TBC1D1: variants seen among roughly 807,000 people sequenced by gnomAD.
TBC1D1 encodes TBC1 (tre-2/USP6, BUB2, cdc16) domain family, member 1.
Under a neutral mutation model 125.6 loss-of-function variants are expected in TBC1D1, and 89 were observed. The observed-to-expected ratio is 0.71, with a 90% CI of 0.60 to 0.85. TBC1D1 has a LOEUF of 0.85. TBC1D1 is among the 40% of genes least tolerant of loss of function. The pLI, the probability that TBC1D1 is intolerant of heterozygous loss-of-function variation, is 0.00. For missense variants in TBC1D1, 1,377 were observed against 1,469.2 expected (o/e 0.94, Z 1.03); for synonymous variants, 565 against 564.1 (o/e 1.00, Z -0.02).
intron 15 of TBC1D1, among the ~76,000 whole-genome samples, chr4:38,103,689 C>G (rs1760758957): frequency 6.6e-6 from 1 of 152,186 alleles, no homozygotes. Context: ...ATACAGTCAG[C>G]CCTCCATATC....
rs1169369629 is a variant in TBC1D1 at position 38,051,763 on chromosome 4, A to G, written c.1910+1865A>G. 2.4e-5 allele frequency: 19 copies of G among 779,674 alleles called. 1 individual carries two copies. The South Asian group carries it at 2.6e-4, about 11-fold the overall frequency. 48.3% of individuals were successfully genotyped at this position (779,674 alleles called of 1,614,324 possible). On this transcript the variant is annotated intron_variant, in intron 11 of 19. Coordinates refer to ENST00000261439, the MANE Select transcript of TBC1D1 (RefSeq NM_015173.4). ...AGCAGAGATGAGGAAAAGGAGTGGA[A>G]GAAGTCCTCCACTCTGATAGTGTTA...
intron 15 of TBC1D1, among the ~76,000 whole-genome samples, chr4:38,109,055 A>G (rs1364423201): frequency 6.6e-6 from 1 of 152,200 alleles, no homozygotes; most frequent in Non-Finnish European, 1.5e-5. Flanking sequence ...CGGGGACCAC[A>G]GTGTTCTCTT....
At chr4:37,903,396 T>C (rs2152230096) in intron 2 of TBC1D1, among the ~76,000 whole-genome samples, 1 of 152,330 alleles carries the variant, frequency 6.6e-6, no homozygotes, top group East Asian at 1.9e-4. Flanking sequence ...GGCTCAGGGC[T>C]CCACAGCTAA....
chr4:37,993,093 C>T (rs866036246), intron 2 of TBC1D1, among the ~76,000 whole-genome samples: 18 of 152,112 alleles, frequency 1.2e-4, no homozygotes, highest in African/African-American at 2.2e-4. Flanking sequence ...CGTGAGCCAC[C>T]GCGCCCGGCC....
Position 38,121,978 on chromosome 4 carries a change from T to G in TBC1D1, c.2963-2984T>G, listed in dbSNP as rs115967478. On this transcript the variant is annotated intron_variant, in intron 17 of 19. Coordinates refer to ENST00000261439, the MANE Select transcript of TBC1D1 (RefSeq NM_015173.4). ...AGCTTCCTGCAGTCCTTCCTTCAAC[T>G]CTGAATTCAAGCACATTCCTGCATT... Among the ~76,000 whole-genome samples, 168 of 152,200 alleles carry G rather than the reference T, an allele frequency of 1.1e-3. 1 individual carries two copies. The highest frequency in any genetic ancestry group is 3.8e-3 in the African/African-American group (158 of 41,526).
chr4:37,917,591 A>C (rs1405434212), intron 2 of TBC1D1, among the ~76,000 whole-genome samples: 1 of 152,176 alleles, frequency 6.6e-6, no homozygotes, highest in Non-Finnish European at 1.5e-5. Context: ...GGGAGGCCGC[A>C]CAGGGCAGAG....
At chr4:38,125,264 G>A (rs1439381546) in intron 18 of TBC1D1, 133 bp downstream of exon 20, 1 of 789,790 alleles carries the variant, frequency 1.3e-6, no homozygotes, top group East Asian at 2.6e-5. Context: ...CTGGCATGGA[G>A]GAGGCATATC....
intron 2 of TBC1D1, among the ~76,000 whole-genome samples, chr4:37,999,682 G>A (rs1296915533): frequency 1.3e-5 from 2 of 152,156 alleles, no homozygotes; most frequent in Non-Finnish European, 2.9e-5. Context: ...GAGAGTCAGT[G>A]GAAGAACATT....
At chr4:38,094,013 G>GTTGATGTTTTTTAT (rs1390475746) in intron 13 of TBC1D1, among the ~76,000 whole-genome samples, 1 of 152,172 alleles carries the variant, frequency 6.6e-6, no homozygotes, top group African/African-American at 2.4e-5. Flanking sequence ...TTGAATTACA[G>GTTGATGTTTTTTAT]TTGATGTTTT....
In TBC1D1 at chr4:37,932,063, TC is replaced by T. The variant is rs372903228; in HGVS notation, c.417+29556del. Among the ~76,000 whole-genome samples the T allele has an allele frequency of 9.6e-3, 1,466 of 152,302 alleles. 27 individuals are homozygous for T. Among genetic ancestry groups the T allele is most frequent in the African/African-American group, 0.033 (1,390 of 41,564 alleles). On this transcript the variant is annotated intron_variant, in intron 2 of 19. Coordinates refer to ENST00000261439, the MANE Select transcript of TBC1D1 (RefSeq NM_015173.4). ...TCTTGAACTCATCTGTCATTGTTTT[TC>T]CCCCAGTAGCAGCTAAAGATGGAAT...
intron 2 of TBC1D1, among the ~76,000 whole-genome samples, chr4:37,912,163 A>C (rs1361212727): frequency 6.6e-6 from 1 of 152,160 alleles, no homozygotes; most frequent in African/African-American, 2.4e-5. Context: ...GTCGCTCCTA[A>C]ATTCATTTCA....
chr4:37,918,428 C>T (rs1297158031), intron 2 of TBC1D1, among the ~76,000 whole-genome samples: 7 of 149,878 alleles, frequency 4.7e-5, no homozygotes, highest in Admixed American at 6.7e-5. Context: ...AATGTGATCA[C>T]GGTGTGTTTT....
chr4:37,990,819 A>G (rs1335607032), intron 2 of TBC1D1, among the ~76,000 whole-genome samples: 1 of 152,136 alleles, frequency 6.6e-6, no homozygotes. Flanking sequence ...GTCTCTGGAT[A>G]TTTTTCCCCA....
At chr4:38,133,989 G>A (rs933023184) in intron 19 of TBC1D1, among the ~76,000 whole-genome samples, 2 of 152,200 alleles carry the variant, frequency 1.3e-5, no homozygotes, top group African/African-American at 4.8e-5. Context: ...ATGGCATGAA[G>A]CAACCATATG....
At chr4:38,080,562 CTTTCT>C (rs1218515420) in intron 12 of TBC1D1, among the ~76,000 whole-genome samples, 1 of 152,226 alleles carries the variant, frequency 6.6e-6, no homozygotes, top group Non-Finnish European at 1.5e-5. Flanking sequence ...CATCATGCTG[CTTTCT>C]TTTAATTCCC....
chr4:37,897,992 G>A (rs1481489248), intron 1 of TBC1D1, among the ~76,000 whole-genome samples: 2 of 152,094 alleles, frequency 1.3e-5, no homozygotes, highest in Non-Finnish European at 2.9e-5. Context: ...TGTAAATAAA[G>A]TATTGCTTTA....
Position 38,010,539 on chromosome 4 carries a change from A to G in TBC1D1, c.418-3970A>G, listed in dbSNP as rs139433238. 2.5e-3 allele frequency among the ~76,000 whole-genome samples: 384 copies of G among 152,270 alleles called. 6 individuals carry two copies. The highest frequency in any genetic ancestry group is 6.3e-4 in the Non-Finnish European group (43 of 68,018). Reference sequence around the variant, plus strand: ...TTTACTTTCAAGTCCTCCTGGTCTTAACATAGACAAAAGCAGAACTCATTG... The same window carrying G: ...TTTACTTTCAAGTCCTCCTGGTCTTGACATAGACAAAAGCAGAACTCATTG... On this transcript the variant is annotated intron_variant, in intron 2 of 19. Transcript: ENST00000261439.
chr4:38,016,641 A>G (rs183626263), intron 3 of TBC1D1, among the ~76,000 whole-genome samples: 185 of 152,278 alleles, frequency 1.2e-3, no homozygotes, highest in African/African-American at 4.1e-3. Context: ...ATGGATTTTC[A>G]TTTCTCTGTT....
intron 8 of TBC1D1, among the ~76,000 whole-genome samples, chr4:38,039,541 A>G (rs2152462763): frequency 6.6e-6 from 1 of 152,204 alleles, no homozygotes; most frequent in African/African-American, 2.4e-5. Flanking sequence ...AGTTGCTTGT[A>G]TCAGTAGTTT....
Sources: allele counts gnomAD v4.1 joint callset (sites outside exome capture counted in the v4.1 genomes callset), GRCh38; gene constraint gnomAD v4.1.1; transcripts MANE v1.5; gene names NCBI Gene and HGNC (gene_info 2026-07-23, HGNC 2026-07-21).